Variants in RNF40 observed in about 807,000 individuals in gnomAD.
RNF40 encodes E3 ubiquitin-protein ligase BRE1B.
In RNF40, 39 loss-of-function variants were observed where a neutral mutation model predicts 123.3. The ratio of observed to expected loss-of-function variants is 0.32; its 90% confidence interval spans 0.24 to 0.41. RNF40 has a LOEUF of 0.41. Among genes scored for constraint, RNF40 ranks in the 10% least tolerant of loss-of-function variants. The probability of loss-of-function intolerance (pLI) is 1.00; values close to 1 mark genes in which losing one functional copy is unlikely to be tolerated. For synonymous variants in RNF40, 538 were observed against 526.0 expected, an observed-to-expected ratio of 1.02 and a Z score of -0.31; for missense variants, 1,003 against 1,319.9, an observed-to-expected ratio of 0.76 and a Z score of 3.72.
chr16:30,770,310 C>T (rs1174682361), intron 17 of RNF40, among the ~76,000 whole-genome samples: 1 of 151,756 alleles, frequency 6.6e-6, no homozygotes, highest in Non-Finnish European at 1.5e-5. Flanking sequence ...CAGGGTTTCG[C>T]CATGTTGACC....
chr16:30,765,606 G>T, intron 8 of RNF40, 107 bp downstream of exon 8: 1 of 980,928 alleles, frequency 1.0e-6, no homozygotes, highest in Non-Finnish European at 1.6e-6. Flanking sequence ...GCCCTTCCTG[G>T]TCACTCCTGC....
At chr16:30,761,815 C>T (rs556947537), upstream of RNF40, 122 of 1,408,162 alleles carry the variant, frequency 8.7e-5, no homozygotes, top group African/African-American at 1.6e-3. Flanking sequence ...ACAGCCAGCG[C>T]TCGGTCGGCG....
chr16:30,764,996 G>C lies in RNF40; in HGVS notation c.708G>C (p.Glu236Asp), dbSNP rs1352622913. ...CACACACCCGAGAGCTGGGCCGTGA[G>C]AACCGGCGACTGCAGGACTTGGCCA... ...AQAHTRELGR[E>D]NRRLQDLATQ... The change falls in exon 6 of 20, where the codon GAG (glutamate) becomes GAC (aspartate). Residue 236 changes from glutamate (E) to aspartate (D), a missense_variant. Physicochemically the swap from Glu to Asp is conservative, Grantham distance 45. Around this residue, in one of 11 missense-constraint regions of RNF40, gnomAD observed 274 missense variants for 356.9 expected, o/e 0.77. Coordinates refer to ENST00000324685, the MANE Select transcript of RNF40 (RefSeq NM_014771.4). The C allele has an allele frequency of 6.2e-7, 1 of 1,613,718 alleles. No homozygotes were observed. Among genetic ancestry groups the C allele is most frequent in the Non-Finnish European group, 8.5e-7 (1 of 1,180,022 alleles).
upstream of RNF40, chr16:30,761,870 C>T: frequency 1.1e-6 from 1 of 943,994 alleles, no homozygotes; most frequent in Middle Eastern, 3.4e-4. Flanking sequence ...CCAATCTACG[C>T]GCGGAGAGGC....
At chr16:30,767,840 G>A (rs2054067476) in intron 11 of RNF40, 54 bp from the exon 12 acceptor site, 1 of 1,613,336 alleles carries the variant, frequency 6.2e-7, no homozygotes, top group Non-Finnish European at 8.5e-7. Context: ...TGAGGGGTTG[G>A]AGTCCTAACC....
At chr16:30,761,779 C>G, upstream of RNF40, 1 of 1,496,618 alleles carries the variant, frequency 6.7e-7, no homozygotes. Flanking sequence ...CGAGGCGCCC[C>G]GGGCTCCCGC....
upstream of RNF40, chr16:30,762,125 G>C (rs918555553): frequency 2.1e-5 from 7 of 338,422 alleles, no homozygotes. Flanking sequence ...TATGGGAACT[G>C]CCTCTTGGCC....
At chr16:30,765,093 A>C (rs1454221850) in intron 6 of RNF40, 34 bp downstream of exon 6, 2 of 1,612,216 alleles carry the variant, frequency 1.2e-6, no homozygotes, top group Non-Finnish European at 1.7e-6. Flanking sequence ...GTGTGATTAG[A>C]ATCAGGCAGG....
chr16:30,767,381 A>G (rs906564462), intron 11 of RNF40, among the ~76,000 whole-genome samples: 6 of 152,210 alleles, frequency 3.9e-5, no homozygotes, highest in Admixed American at 1.3e-4. Flanking sequence ...GGGTGTTGCA[A>G]TTTTGAATAG....
intron 17 of RNF40, among the ~76,000 whole-genome samples, chr16:30,770,374 T>TG (rs917798674): frequency 6.6e-6 from 1 of 152,056 alleles, no homozygotes; most frequent in African/African-American, 2.4e-5. Flanking sequence ...CCTCCCAAAG[T>TG]GCTGGGGTTA....
chr16:30,765,321 A>G lies in RNF40; in HGVS notation c.912A>G (p.Leu304=). The change falls in exon 7 of 20, where the codon TTA becomes TTG. Residue 304 remains leucine (L), a synonymous_variant. Coordinates refer to ENST00000324685, the MANE Select transcript of RNF40 (RefSeq NM_014771.4). ...QKLNKHLAEA[L]EQLNSGYYVS... is the part of the protein sequence containing the mutation. Reference sequence around the variant, plus strand: ...TCAATAAGCACCTGGCAGAGGCCTTAGAGCAGGTGGGGCAGGGGTGCTGGG... The same window carrying G: ...TCAATAAGCACCTGGCAGAGGCCTTGGAGCAGGTGGGGCAGGGGTGCTGGG... The G allele has an allele frequency of 6.2e-7, 1 of 1,614,214 alleles. No individual in the cohort carries two copies. The highest frequency in any genetic ancestry group is 8.5e-7 in the Non-Finnish European group (1 of 1,180,034).
chr16:30,764,068 G>T, intron 4 of RNF40, 111 bp from the exon 5 acceptor site: 2 of 790,092 alleles, frequency 2.5e-6, no homozygotes, highest in Non-Finnish European at 4.0e-6. Context: ...TGCACTATAG[G>T]TTGTGTTGAT....
rs745625768 is a variant in RNF40, at chr16:30,774,940, G to T, written c.*826G>T. On this transcript the variant is annotated 3_prime_UTR_variant, in exon 20 of 20. Coordinates refer to ENST00000324685, the MANE Select transcript of RNF40 (RefSeq NM_014771.4). ...AGGTGGAACTTCCCAGGAGGGGAAG[G>T]GACAGACCAGCCCCAGCCGCTGGGC... 2.2e-6 allele frequency: 1 copy of T among 456,458 alleles called. No homozygotes were observed. Among genetic ancestry groups the T allele is most frequent in the South Asian group, 1.5e-5 (1 of 64,562 alleles). 28.3% of individuals were successfully genotyped at this position (456,458 alleles called of 1,614,324 possible). A position where few individuals can be genotyped will look rare whatever the true frequency, so the allele number is the denominator to read the frequency against.
At chr16:30,762,279 G>GA (rs1215979745), upstream of RNF40, 2 of 428,496 alleles carry the variant, frequency 4.7e-6, no homozygotes, top group Non-Finnish European at 8.4e-6. Flanking sequence ...CGCACCGTTG[G>GA]GGGGGGGGCA....
chr16:30,766,712 G>A lies in RNF40; in HGVS notation c.1294-29G>A, dbSNP rs775057926. The A allele has an allele frequency of 6.2e-7, 1 of 1,613,418 alleles. No individual in the cohort carries two copies. The highest frequency in any genetic ancestry group is 1.7e-5 in the Admixed American group (1 of 59,994). On this transcript the variant is annotated intron_variant, in intron 10 of 19. Transcript: ENST00000324685. This position sits in a 1 kb window ranked among gnomAD's most constrained non-coding sequence, Gnocchi z 5.4. The stretch of plus-strand genomic sequence containing the variant: ...AGTCCTGAGGTGGGACCGAGGGGCT[G>A]TGTGGGTCCTTAACACATCAACCCA...
chr16:30,773,577 C>T (rs2054184032), intron 19 of RNF40: 2 of 196,696 alleles, frequency 1.0e-5, no homozygotes, highest in Non-Finnish European at 2.1e-5. Context: ...TGTGACTTAG[C>T]AAGTGCAGGT....
chr16:30,773,196 A>C (rs575683718), intron 19 of RNF40, among the ~76,000 whole-genome samples: 5 of 152,296 alleles, frequency 3.3e-5, no homozygotes, highest in African/African-American at 1.2e-4. Flanking sequence ...GGTGGAAGCC[A>C]CATATGACTT....
Position 30,768,804 on chromosome 16 carries a change from G to A in RNF40, c.2098-34G>A. ...CAGAGTCCTAGCTCAGCAGGAAGCAGTGTCAAGAGAGTTTCTTCTTCCCTG... is the reference window on the plus strand; with the variant it reads ...CAGAGTCCTAGCTCAGCAGGAAGCAATGTCAAGAGAGTTTCTTCTTCCCTG... On this transcript the variant is annotated intron_variant, in intron 14 of 19. Coordinates refer to ENST00000324685, the MANE Select transcript of RNF40 (RefSeq NM_014771.4). The surrounding 1 kb of genome is among the most constrained non-coding windows in gnomAD (Gnocchi z 4.1). 6.2e-7 allele frequency: 1 copy of A among 1,614,182 alleles called. No individual in the cohort carries two copies. Among genetic ancestry groups the A allele is most frequent in the Non-Finnish European group, 8.5e-7 (1 of 1,180,032 alleles).
At position 30,771,830 on chromosome 16, in the gene RNF40, C is replaced by G; in HGVS notation, c.2587-3C>G. On this transcript the variant is annotated splice_region_variant and splice_polypyrimidine_tract_variant and intron_variant, in intron 17 of 19. Coordinates refer to ENST00000324685, the MANE Select transcript of RNF40 (RefSeq NM_014771.4). The stretch of plus-strand genomic sequence containing the variant: ...TGCCTCCTTCCTGTTCCACCCTACT[C>G]AGGCTGTAGAAGCCGCCCAGCTGGC... 1 of 1,569,522 alleles carries G rather than the reference C, an allele frequency of 6.4e-7. No homozygotes were observed. Among genetic ancestry groups the G allele is most frequent in the South Asian group, 1.2e-5 (1 of 83,918 alleles).
Sources: allele counts gnomAD v4.1 joint callset (sites outside exome capture counted in the v4.1 genomes callset), GRCh38; gene constraint gnomAD v4.1.1; regional missense constraint gnomAD v4.1.1; non-coding constraint Gnocchi (gnomAD v3.1); transcripts MANE v1.5; gene names NCBI Gene and HGNC (gene_info 2026-07-23, HGNC 2026-07-21).